The following UNC13C variants were observed in gnomAD, a reference collection of about 807,000 sequenced individuals.
UNC13C encodes unc-13 homolog C.
Under a neutral mutation model 245.4 loss-of-function variants are expected in UNC13C, and 174 were observed. The ratio of observed to expected loss-of-function variants is 0.71; its 90% CI spans 0.63 to 0.80. UNC13C has a LOEUF of 0.80. Ranked by LOEUF, UNC13C falls within the 30% of genes least tolerant of loss-of-function variation. UNC13C has a pLI of 0.00. For synonymous variants in UNC13C, 992 were observed against 895.1 expected (o/e 1.11, Z -1.93); for missense variants, 2,829 against 2,602.9 (o/e 1.09, Z -1.89).
At chr15:54,001,177 G>T (rs930770645) in intron 1 of UNC13C, among the ~76,000 whole-genome samples, 5 of 152,126 alleles carry the variant, frequency 3.3e-5, no homozygotes, top group African/African-American at 1.2e-4. Flanking sequence ...TCATTAAAGA[G>T]CTATTAACTA....
In UNC13C at chr15:54,332,062, T is replaced by A; in HGVS notation, c.4445T>A (p.Leu1482Gln). 1 of 1,582,612 alleles carries A rather than the reference T, an allele frequency of 6.3e-7. No individual in the cohort carries two copies. The highest frequency in any genetic ancestry group is 8.6e-7 in the Non-Finnish European group (1 of 1,162,628). ...GTACAGAGGGAAAAATTCATAAAAC[T>A]ACTGGACCAGTTACATAACTCTTTG... ...TNFGREKFIK[L>Q]LDQLHNSLRI... Residue 1482 changes from leucine to glutamine, a missense_variant, in exon 15 of 33, where the codon CTA becomes CAA. Physicochemically the swap from Leu to Gln is moderately radical, Grantham distance 113 (BLOSUM62 -2). Transcript: ENST00000260323.
intron 2 of UNC13C, among the ~76,000 whole-genome samples, chr15:54,042,802 G>A (rs1160701626): frequency 2.0e-5 from 3 of 152,028 alleles, no homozygotes; most frequent in South Asian, 2.1e-4. Flanking sequence ...GCAGTGAGCC[G>A]AGATCGTGCC....
chr15:54,516,389 T>C (rs996175633), intron 24 of UNC13C, among the ~76,000 whole-genome samples: 2 of 152,156 alleles, frequency 1.3e-5, no homozygotes, highest in Admixed American at 6.5e-5. Flanking sequence ...ACCCCCAGTG[T>C]ATTTGATTCA....
chr15:54,087,223 T>TA (rs1567002936), intron 2 of UNC13C, among the ~76,000 whole-genome samples: 20 of 152,136 alleles, frequency 1.3e-4, no homozygotes, highest in Non-Finnish European at 2.5e-4. Context: ...TGCAGTTTTT[T>TA]TAAAAAAAAT....
Position 54,046,052 on chromosome 15 carries a change from G to C in UNC13C, c.2983+30166G>C, listed in dbSNP as rs975161163. 1.5e-4 allele frequency among the ~76,000 whole-genome samples: 23 copies of C among 152,004 alleles called. No individual in the cohort carries two copies. In the East Asian group the frequency reaches 4.4e-3, roughly 29 times the overall value. On this transcript the variant is annotated intron_variant, in intron 2 of 32. Coordinates refer to ENST00000260323, the MANE Select transcript of UNC13C (RefSeq NM_001080534.3). ...GATATTCAGTTGTCTCAAGTTTGCT[G>C]TTTTTTTAACCCAACAATCTATCTT...
intron 4 of UNC13C, among the ~76,000 whole-genome samples, chr15:54,148,303 T>G (rs62009989): frequency 0.23 from 34,425 of 152,168 alleles, 3,982 homozygotes; most frequent in South Asian, 0.29. Flanking sequence ...TTGGTAAATG[T>G]GAACAAGCCA....
chr15:54,297,769 A>G (rs1334195940), intron 11 of UNC13C, 42 bp from the exon 12 acceptor site: 2 of 1,402,058 alleles, frequency 1.4e-6, no homozygotes, highest in African/African-American at 2.9e-5. Context: ...GAAAAACATT[A>G]TTGTCAGACA....
intron 9 of UNC13C, among the ~76,000 whole-genome samples, chr15:54,264,963 G>T (rs959387264): frequency 6.6e-6 from 1 of 151,894 alleles, no homozygotes; most frequent in Non-Finnish European, 1.5e-5. Flanking sequence ...ATGTAGAGTT[G>T]ATCAATATTG....
intron 11 of UNC13C, 88 bp from the exon 12 acceptor site, chr15:54,297,723 G>GT (rs2037473519): frequency 1.0e-5 from 10 of 990,928 alleles, no homozygotes; most frequent in African/African-American, 3.3e-5. Flanking sequence ...CCGTTTTTTT[G>GT]TTTTTTTGTT....
At chr15:54,108,281 G>A (rs919310581) in intron 2 of UNC13C, among the ~76,000 whole-genome samples, 3 of 152,154 alleles carry the variant, frequency 2.0e-5, no homozygotes, top group Non-Finnish European at 4.4e-5. Flanking sequence ...CCGCCTCCAG[G>A]GTTCAAGCTA....
At chr15:53,859,859 G>GA in the UNC13C span, among the ~76,000 whole-genome samples, 1 of 152,240 alleles carries the variant, frequency 6.6e-6, no homozygotes, top group African/African-American at 2.4e-5. Flanking sequence ...AGGCTTGGGG[G>GA]ATCTGTTTTC....
chr15:54,343,361 G>A (rs1009276473), intron 17 of UNC13C, among the ~76,000 whole-genome samples: 1 of 152,028 alleles, frequency 6.6e-6, no homozygotes, highest in Non-Finnish European at 1.5e-5. Context: ...TCGAACTCCT[G>A]ACCTCAGGGG....
At chr15:53,924,709 G>T in the UNC13C span, among the ~76,000 whole-genome samples, 1 of 152,066 alleles carries the variant, frequency 6.6e-6, no homozygotes, top group East Asian at 1.9e-4. Context: ...AAAAGCAAGA[G>T]GTATCCTTTC....
At chr15:54,236,387 T>G (rs770789382) in intron 5 of UNC13C, 43 bp from the exon 6 acceptor site, 1 of 1,518,750 alleles carries the variant, frequency 6.6e-7, no homozygotes, top group African/African-American at 1.4e-5. Flanking sequence ...TTCATGTATC[T>G]AATTATTTAC....
chr15:54,440,930 T>C (rs1247912128), intron 19 of UNC13C, among the ~76,000 whole-genome samples: 1 of 152,090 alleles, frequency 6.6e-6, no homozygotes, highest in Non-Finnish European at 1.5e-5. Context: ...GCATTTTTAA[T>C]ATACATGTTG....
the UNC13C span, among the ~76,000 whole-genome samples, chr15:53,842,227 A>T: frequency 0.012 from 1,777 of 152,308 alleles, 30 homozygotes; most frequent in African/African-American, 0.04. Context: ...GTCTTTTACT[A>T]TGTGACTGAA....
chr15:54,596,722 T>TC (rs1402374630), intron 30 of UNC13C, among the ~76,000 whole-genome samples: 1 of 152,182 alleles, frequency 6.6e-6, no homozygotes, highest in Non-Finnish European at 1.5e-5. Context: ...TTTGCTGCCC[T>TC]CCCCATGGAA....
chr15:54,393,971 A>T (rs970075498), intron 18 of UNC13C, among the ~76,000 whole-genome samples: 5 of 151,922 alleles, frequency 3.3e-5, no homozygotes, highest in Non-Finnish European at 5.9e-5. Context: ...GTTAATGAAG[A>T]GGATTGTCTT....
At chr15:53,898,406 A>G in the UNC13C span, among the ~76,000 whole-genome samples, 1 of 82,334 alleles carries the variant, frequency 1.2e-5, no homozygotes, top group Non-Finnish European at 2.4e-5. Context: ...TCTTTTCCAG[A>G]CACATACACA....
Sources: gnomAD v4.1 joint callset for allele counts (sites outside exome capture counted in the v4.1 genomes callset) on GRCh38, gnomAD v4.1.1 for gene constraint, MANE v1.5 for transcripts, NCBI Gene and HGNC (gene_info 2026-07-23, HGNC 2026-07-21) for gene names.